The following ATP8A2 variants were observed in gnomAD, a reference collection of about 807,000 sequenced individuals.
ATP8A2 encodes the protein phospholipid-transporting ATPase IB.
In ATP8A2, 100 loss-of-function variants were observed where a neutral mutation model predicts 165.6. The ratio of observed to expected loss-of-function variants is 0.60; its 90% CI spans 0.51 to 0.71. ATP8A2 has a LOEUF of 0.71. Ranked by LOEUF, ATP8A2 falls within the 30% of genes least tolerant of loss-of-function variation. ATP8A2 has a pLI of 0.00. For synonymous variants in ATP8A2, 543 were observed against 548.8 expected (o/e 0.99, Z 0.15); for missense variants, 1,227 against 1,479.5 (o/e 0.83, Z 2.80).
chr13:25,843,019 T>C (rs541200494), intron 30 of ATP8A2, among the ~76,000 whole-genome samples: 1 of 149,712 alleles, frequency 6.7e-6, no homozygotes, highest in African/African-American at 2.4e-5. Context: ...AGCTTCTTTG[T>C]TTGCTGAGAT....
intron 1 of ATP8A2, among the ~76,000 whole-genome samples, chr13:25,410,165 G>C (rs2033925825): frequency 6.6e-6 from 1 of 151,914 alleles, no homozygotes; most frequent in South Asian, 2.1e-4. Flanking sequence ...CATCAGCCAT[G>C]GCACTTACAA....
chr13:25,900,414 G>A lies in ATP8A2; in HGVS notation c.3183+38006G>A, dbSNP rs932814654. Among the ~76,000 whole-genome samples, 6 of 152,272 alleles carry A rather than the reference G, an allele frequency of 3.9e-5. No individual in the cohort carries two copies. The South Asian group carries it at 6.2e-4, about 16-fold the overall frequency. Reference sequence around the variant, plus strand: ...AGCCAAAACGTGTCCCAAGGTGGTCGTCAGTGTTTACGAAGGGATGTGTTG... The same window carrying A: ...AGCCAAAACGTGTCCCAAGGTGGTCATCAGTGTTTACGAAGGGATGTGTTG... On this transcript the variant is annotated intron_variant, in intron 33 of 36. Transcript: ENST00000381655.
chr13:25,951,197 G>A (rs1422090559), intron 33 of ATP8A2, among the ~76,000 whole-genome samples: 2 of 152,202 alleles, frequency 1.3e-5, no homozygotes, highest in African/African-American at 2.4e-5. Context: ...GTAAATAGCA[G>A]CCTTATTCTT....
chr13:25,789,763 A>G (rs1180452829), intron 27 of ATP8A2, among the ~76,000 whole-genome samples: 1 of 152,240 alleles, frequency 6.6e-6, no homozygotes, highest in Non-Finnish European at 1.5e-5. Context: ...ATGAGCCCCA[A>G]TAGCCAAGGC....
chr13:25,697,978 T>C (rs2042869854), intron 24 of ATP8A2, among the ~76,000 whole-genome samples: 1 of 152,244 alleles, frequency 6.6e-6, no homozygotes, highest in Non-Finnish European at 1.5e-5. Context: ...TCCTCAATTT[T>C]ACTAGAGGTA....
chr13:25,598,808 T>C (rs2040304724), intron 24 of ATP8A2, among the ~76,000 whole-genome samples: 1 of 152,150 alleles, frequency 6.6e-6, no homozygotes, highest in South Asian at 2.1e-4. Flanking sequence ...TGTATGATGG[T>C]TATTTTGTGA....
At chr13:25,927,949 G>A (rs1351468397) in intron 33 of ATP8A2, among the ~76,000 whole-genome samples, 1 of 152,136 alleles carries the variant, frequency 6.6e-6, no homozygotes, top group Non-Finnish European at 1.5e-5. Flanking sequence ...ACCCACATTT[G>A]GTATCACTGC....
At chr13:25,928,096 C>T (rs541853616) in intron 33 of ATP8A2, among the ~76,000 whole-genome samples, 1 of 152,286 alleles carries the variant, frequency 6.6e-6, no homozygotes, top group Admixed American at 6.5e-5. Flanking sequence ...CTGGTAAGTT[C>T]TACAAACCCA....
intron 35 of ATP8A2, among the ~76,000 whole-genome samples, chr13:26,004,759 T>G (rs1395640736): frequency 6.6e-6 from 1 of 152,090 alleles, no homozygotes; most frequent in Non-Finnish European, 1.5e-5. Context: ...ATCATATGGT[T>G]TTTATATTTC....
chr13:25,490,354 G>T (rs1200531918), intron 2 of ATP8A2, among the ~76,000 whole-genome samples: 1 of 152,176 alleles, frequency 6.6e-6, no homozygotes, highest in African/African-American at 2.4e-5. Context: ...AGCTCTCCTC[G>T]CGGAGCACAG....
chr13:25,810,665 A>G (rs1950846323), intron 27 of ATP8A2, among the ~76,000 whole-genome samples: 2 of 152,132 alleles, frequency 1.3e-5, no homozygotes. Context: ...CAACAATAAT[A>G]TATGACTGTG....
At chr13:25,627,870 T>G (rs939998705) in intron 24 of ATP8A2, among the ~76,000 whole-genome samples, 4 of 152,186 alleles carry the variant, frequency 2.6e-5, no homozygotes, top group Non-Finnish European at 4.4e-5. Context: ...GTCATAAATG[T>G]AGTTGATGAT....
At chr13:25,920,718 G>T (rs967689993) in intron 33 of ATP8A2, among the ~76,000 whole-genome samples, 5 of 152,222 alleles carry the variant, frequency 3.3e-5, no homozygotes, top group Admixed American at 2.0e-4. Context: ...GCCTTTGACA[G>T]ACTCCTTTTC....
chr13:25,403,150 G>A lies in ATP8A2; in HGVS notation c.76+30862G>A, dbSNP rs369931442. Among the ~76,000 whole-genome samples, 331 of 152,210 alleles carry A rather than the reference G, an allele frequency of 2.2e-3. 2 individuals carry two copies. The highest frequency in any genetic ancestry group is 3.8e-3 in the Non-Finnish European group (261 of 68,010). Reference sequence around the variant, plus strand: ...ACTGTGGAGGGGACACAAGCATTCCGACCACAGCACCTCTTTTTGCCTTTC... The same window carrying A: ...ACTGTGGAGGGGACACAAGCATTCCAACCACAGCACCTCTTTTTGCCTTTC... On this transcript the variant is annotated intron_variant, in intron 1 of 36. Transcript: ENST00000381655.
chr13:25,814,620 T>TAAAAA (rs3981881), intron 27 of ATP8A2, among the ~76,000 whole-genome samples: 15 of 129,606 alleles, frequency 1.2e-4, no homozygotes, highest in African/African-American at 4.1e-4. Flanking sequence ...AGCATTCAAT[T>TAAAAA]AAAAAAAAAA....
At chr13:25,376,800 G>A (rs2032643336) in intron 1 of ATP8A2, among the ~76,000 whole-genome samples, 1 of 152,206 alleles carries the variant, frequency 6.6e-6, no homozygotes, top group African/African-American at 2.4e-5. Context: ...GGCCTAACTA[G>A]GAGAGGACCT....
intron 36 of ATP8A2, among the ~76,000 whole-genome samples, chr13:26,018,914 G>A (rs1957039210): frequency 6.6e-6 from 1 of 152,176 alleles, no homozygotes; most frequent in Non-Finnish European, 1.5e-5. Flanking sequence ...TAGACACATG[G>A]CATTTAATGA....
At chr13:25,950,347 T>C (rs142210162) in intron 33 of ATP8A2, among the ~76,000 whole-genome samples, 152 of 152,236 alleles carry the variant, frequency 1.0e-3, no homozygotes, top group African/African-American at 3.6e-3. Context: ...TAGACCAACA[T>C]TTTGGTCTCT....
At chr13:25,488,572 A>C (rs2036423976) in intron 2 of ATP8A2, among the ~76,000 whole-genome samples, 1 of 152,128 alleles carries the variant, frequency 6.6e-6, no homozygotes, top group Non-Finnish European at 1.5e-5. Context: ...CCCTTTCTTT[A>C]TGAAAAATAC....
Sources: allele counts gnomAD v4.1 joint callset (sites outside exome capture counted in the v4.1 genomes callset), GRCh38; gene constraint gnomAD v4.1.1; transcripts MANE v1.5; gene names NCBI Gene and HGNC (gene_info 2026-07-23, HGNC 2026-07-21).